The following FANCL variants were observed in gnomAD, a reference collection of about 807,000 sequenced individuals.
The protein encoded by FANCL is E3 ubiquitin-protein ligase FANCL.
FANCL carries 69 observed loss-of-function variants against 59.4 expected under a neutral mutation model. The observed-to-expected ratio is 1.16, with a 90% CI of 0.96 to 1.42. The LOEUF (loss-of-function observed/expected upper bound fraction) is 1.42, where lower values mean the gene tolerates loss of function less well. FANCL is among the 40% of genes most tolerant of loss of function. The pLI is 0.00. For missense variants in FANCL, 519 were observed against 447.2 expected (o/e 1.16, Z -1.45); for synonymous variants, 180 against 147.1 (o/e 1.22, Z -1.62).
intron 7 of FANCL, among the ~76,000 whole-genome samples, chr2:58,182,806 T>C (rs896035407): frequency 6.6e-6 from 1 of 151,698 alleles, no homozygotes; most frequent in Non-Finnish European, 1.5e-5. Flanking sequence ...CAGTCAATAC[T>C]AGATACTGGT....
chr2:58,222,311 G>A lies in FANCL; in HGVS notation c.274-269C>T, dbSNP rs528193890. Among the ~76,000 whole-genome samples, 20 of 94,550 alleles carry A rather than the reference G, an allele frequency of 2.1e-4. No homozygotes were observed. The South Asian group carries it at 4.7e-3, about 22-fold the overall frequency. 62.0% of individuals were successfully genotyped at this position (94,550 alleles called of 152,430 possible). A position where few individuals can be genotyped will look rare whatever the true frequency, so the allele number is the denominator to read the frequency against. ...ATTCTCCTGGACTATTATGCCTATC[G>A]GAGATAAAAAAAAAATTTTTATTAA... On this transcript the variant is annotated intron_variant, in intron 4 of 13. Transcript: ENST00000233741.
At chr2:58,216,670 A>C (rs924665777) in intron 5 of FANCL, among the ~76,000 whole-genome samples, 2 of 152,176 alleles carry the variant, frequency 1.3e-5, no homozygotes, top group Non-Finnish European at 1.5e-5. Context: ...AGGGATGCCA[A>C]AATATAAGAT....
chr2:58,228,800 G>A (rs1179205310), intron 3 of FANCL, among the ~76,000 whole-genome samples: 1 of 152,042 alleles, frequency 6.6e-6, no homozygotes, highest in African/African-American at 2.4e-5. Flanking sequence ...TAAATAATTG[G>A]GATTTTTTTC....
At chr2:58,177,159 A>G (rs1174355809) in intron 7 of FANCL, among the ~76,000 whole-genome samples, 4 of 152,214 alleles carry the variant, frequency 2.6e-5, no homozygotes, top group Admixed American at 2.0e-4. Context: ...GTGGAGAAAT[A>G]GGAACACTTT....
chr2:58,177,225 A>T (rs1003842516), intron 7 of FANCL, among the ~76,000 whole-genome samples: 35 of 152,318 alleles, frequency 2.3e-4, no homozygotes, highest in African/African-American at 7.7e-4. Context: ...CAGTGTGGCG[A>T]TTCCTCAGGG....
chr2:58,176,362 C>T (rs1687311643), intron 7 of FANCL, among the ~76,000 whole-genome samples: 1 of 151,826 alleles, frequency 6.6e-6, no homozygotes, highest in Non-Finnish European at 1.5e-5. Context: ...AGGCATCACG[C>T]TACCTGACTT....
chr2:58,236,371 C>G (rs1449087243), intron 1 of FANCL, among the ~76,000 whole-genome samples: 2 of 151,340 alleles, frequency 1.3e-5, no homozygotes, highest in Non-Finnish European at 2.9e-5. Context: ...AGTTGATAAA[C>G]CAATAGTGCA....
chr2:58,173,693 T>G (rs532621047), intron 7 of FANCL, among the ~76,000 whole-genome samples: 1 of 152,230 alleles, frequency 6.6e-6, no homozygotes, highest in African/African-American at 2.4e-5. Flanking sequence ...TGCCAAATTG[T>G]AAAGACCATC....
At chr2:58,176,226 T>G (rs985507930) in intron 7 of FANCL, among the ~76,000 whole-genome samples, 4 of 152,214 alleles carry the variant, frequency 2.6e-5, no homozygotes, top group African/African-American at 9.7e-5. Flanking sequence ...ATAGATTCAA[T>G]GCCATCCCCA....
At chr2:58,159,984 T>C (rs956807921) in intron 13 of FANCL, 124 bp downstream of exon 13, 157 of 1,536,006 alleles carry the variant, frequency 1.0e-4, no homozygotes, top group South Asian at 2.4e-4. Context: ...ATTTGAAAAA[T>C]AGAAATACAG....
chr2:58,170,109 G>C (rs372412141), intron 7 of FANCL, among the ~76,000 whole-genome samples: 1 of 152,044 alleles, frequency 6.6e-6, no homozygotes, highest in Non-Finnish European at 1.5e-5. Flanking sequence ...TTGAAATGAA[G>C]GAAAAAATGT....
At chr2:58,210,081 C>A (rs1393801698) in intron 5 of FANCL, among the ~76,000 whole-genome samples, 1 of 152,188 alleles carries the variant, frequency 6.6e-6, no homozygotes, top group Non-Finnish European at 1.5e-5. Context: ...ACAAAAGTAT[C>A]AGCACATTTC....
intron 7 of FANCL, among the ~76,000 whole-genome samples, chr2:58,183,095 C>T (rs1274083016): frequency 6.6e-6 from 1 of 151,724 alleles, no homozygotes; most frequent in Non-Finnish European, 1.5e-5. Context: ...GAGAAGTTCA[C>T]AGCCTAATGA....
Position 58,173,280 on chromosome 2 carries a change from C to T in FANCL, c.541-7406G>A, listed in dbSNP as rs187872758. ...GGCCAACATTCAGATTAAAGAAATA[C>T]AGAGAATGCCACAAAGATACTCTCG... On this transcript the variant is annotated intron_variant, in intron 7 of 13. Transcript: ENST00000233741. 2.1e-3 allele frequency among the ~76,000 whole-genome samples: 319 copies of T among 152,294 alleles called. 2 individuals carry two copies. Among genetic ancestry groups the T allele is most frequent in the African/African-American group, 7.2e-3 (300 of 41,554 alleles).
At chr2:58,182,803 T>C (rs962924045) in intron 7 of FANCL, among the ~76,000 whole-genome samples, 2 of 151,684 alleles carry the variant, frequency 1.3e-5, no homozygotes, top group Non-Finnish European at 3.0e-5. Flanking sequence ...TTACAGTCAA[T>C]ACTAGATACT....
chr2:58,236,295 C>G (rs1272401345), intron 1 of FANCL, among the ~76,000 whole-genome samples: 1 of 151,734 alleles, frequency 6.6e-6, no homozygotes. Flanking sequence ...GCAGAGATTT[C>G]TCGTAGAAAA....
chr2:58,178,619 A>G (rs1209119062), intron 7 of FANCL, among the ~76,000 whole-genome samples: 4 of 152,214 alleles, frequency 2.6e-5, no homozygotes, highest in Non-Finnish European at 4.4e-5. Flanking sequence ...ACCCACAGTC[A>G]ATATCATACT....
chr2:58,201,647 A>C (rs1439702415), intron 6 of FANCL, among the ~76,000 whole-genome samples: 1 of 152,042 alleles, frequency 6.6e-6, no homozygotes, highest in African/African-American at 2.4e-5. Context: ...ACTTTTGTAA[A>C]GCAAAGGTAA....
At chr2:58,198,074 TGTGGGTGTGA>T (rs969430300) in intron 7 of FANCL, among the ~76,000 whole-genome samples, 1 of 151,786 alleles carries the variant, frequency 6.6e-6, no homozygotes, top group Non-Finnish European at 1.5e-5. Context: ...TATGCATGGG[TGTGGGTGTGA>T]GTGGGTGTGT....
Sources: gnomAD v4.1 joint callset for allele counts (sites outside exome capture counted in the v4.1 genomes callset) on GRCh38, gnomAD v4.1.1 for gene constraint, MANE v1.5 for transcripts, NCBI Gene and HGNC (gene_info 2026-07-23, HGNC 2026-07-21) for gene names.